RAPGEF1: variants seen among roughly 807,000 people sequenced by gnomAD.
The protein encoded by RAPGEF1 is Rap guanine nucleotide exchange factor 1.
Under a neutral mutation model 143.3 loss-of-function variants are expected in RAPGEF1, and 33 were observed. The observed-to-expected ratio is 0.23, with a 90% CI of 0.17 to 0.31. The LOEUF is 0.31. RAPGEF1 is among the 10% of genes least tolerant of loss of function. The pLI is 1.00. For missense variants in RAPGEF1, 1,199 were observed against 1,645.4 expected, an observed-to-expected ratio of 0.73 and a Z score of 4.69; for synonymous variants, 629 against 676.5, an observed-to-expected ratio of 0.93 and a Z score of 1.09.
chr9:131,716,338 G>A (rs922741626), intron 1 of RAPGEF1, among the ~76,000 whole-genome samples: 1 of 152,242 alleles, frequency 6.6e-6, no homozygotes, highest in African/African-American at 2.4e-5. Flanking sequence ...CCAGCCTTCT[G>A]AAGAAGCTGT....
At chr9:131,599,246 T>A (rs1284558360) in intron 15 of RAPGEF1, among the ~76,000 whole-genome samples, 1 of 151,870 alleles carries the variant, frequency 6.6e-6, no homozygotes, top group Non-Finnish European at 1.5e-5. Flanking sequence ...CACCTTAGTC[T>A]CCCAAGTAGC....
intron 1 of RAPGEF1, among the ~76,000 whole-genome samples, chr9:131,731,017 T>C (rs534391228): frequency 3.9e-5 from 6 of 152,220 alleles, no homozygotes; most frequent in Admixed American, 6.5e-5. Flanking sequence ...GAGAATAATA[T>C]CAGAATCAAT....
rs1276707018 is a variant in RAPGEF1, at chr9:131,590,649, C to T, written c.2775-671G>A. Among the ~76,000 whole-genome samples the T allele has an allele frequency of 2.0e-5, 3 of 152,254 alleles. No homozygotes were observed. The South Asian group carries it at 6.2e-4, about 31-fold the overall frequency. On this transcript the variant is annotated intron_variant, in intron 18 of 26. Transcript: ENST00000683357. ...CCATCGACTCCCCAGATCTCTCTGA[C>T]ACCCTCCTGCCTGCTCTCTAGTGAT... is the stretch of plus-strand genomic sequence containing the variant.
intron 22 of RAPGEF1, 27 bp downstream of exon 22, chr9:131,587,709 C>G: frequency 6.2e-7 from 1 of 1,604,602 alleles, no homozygotes. Context: ...TCCAGAGCAA[C>G]AGGGCTTGGC....
rs1394500697 is a variant in RAPGEF1 at position 131,650,739 on chromosome 9, A to G, written c.201+71T>C. On this transcript the variant is annotated intron_variant, in intron 2 of 26. Transcript: ENST00000683357. The surrounding 1 kb of genome is among the most constrained non-coding windows in gnomAD (Gnocchi z 4.7). Reference sequence around the variant, plus strand: ...TGAAAGCTCAATCCCCAGGGAGGGAACATACAAATCGCACAAACTCATATT... The same window carrying G: ...TGAAAGCTCAATCCCCAGGGAGGGAGCATACAAATCGCACAAACTCATATT... 6.4e-7 allele frequency: 1 copy of G among 1,567,526 alleles called. No individual in the cohort carries two copies. The highest frequency in any genetic ancestry group is 8.7e-7 in the Non-Finnish European group (1 of 1,153,136).
At chr9:131,682,001 G>T (rs1588992277) in intron 1 of RAPGEF1, among the ~76,000 whole-genome samples, 1 of 152,186 alleles carries the variant, frequency 6.6e-6, no homozygotes, top group Non-Finnish European at 1.5e-5. Context: ...CTATCAGAGG[G>T]AAAGCGCATT....
chr9:131,705,934 T>C lies in RAPGEF1; in HGVS notation c.61+33836A>G, dbSNP rs547699604. 1.6e-3 allele frequency among the ~76,000 whole-genome samples: 240 copies of C among 152,316 alleles called. 2 individuals carry two copies. Among genetic ancestry groups the C allele is most frequent in the African/African-American group, 5.7e-3 (235 of 41,570 alleles). ...ACACGTAAATGATCTAAATGGCAGA[T>C]AACAGTTTCCTTTAAATTTGCCTTT... On this transcript the variant is annotated intron_variant, in intron 1 of 26. Coordinates refer to ENST00000683357, the MANE Select transcript of RAPGEF1 (RefSeq NM_001377935.1).
At chr9:131,701,440 T>C (rs549224206) in intron 1 of RAPGEF1, among the ~76,000 whole-genome samples, 1 of 152,214 alleles carries the variant, frequency 6.6e-6, no homozygotes, top group Admixed American at 6.5e-5. Flanking sequence ...CAGGACACTT[T>C]AGTTACATGT....
chr9:131,598,414 A>C (rs1955666968), intron 15 of RAPGEF1, 104 bp from the exon 16 acceptor site: 5 of 882,562 alleles, frequency 5.7e-6, no homozygotes, highest in Admixed American at 2.0e-5. Context: ...CCGCTCCCGG[A>C]ACATGCCTGC....
chr9:131,704,477 G>A (rs962748348), intron 1 of RAPGEF1, among the ~76,000 whole-genome samples: 4 of 151,926 alleles, frequency 2.6e-5, no homozygotes, highest in Non-Finnish European at 5.9e-5. Flanking sequence ...TCTGTGGGCT[G>A]AAGCTTTTTA....
chr9:131,717,017 T>C (rs1446750022), intron 1 of RAPGEF1, among the ~76,000 whole-genome samples: 3 of 152,174 alleles, frequency 2.0e-5, no homozygotes, highest in African/African-American at 4.8e-5. Flanking sequence ...CAACATCCAG[T>C]GGACTCTCAA....
rs553297948 is a variant in RAPGEF1 at position 131,655,794 on chromosome 9, A to G, written c.62-4845T>C. ...AGTAGAGACGGGGTGTCACCGTGTT[A>G]GCCAGGATGGTCTCGATCTCCTGAC... is the stretch of plus-strand genomic sequence containing the variant. On this transcript the variant is annotated intron_variant, in intron 1 of 26. Transcript: ENST00000683357. The surrounding 1 kb of genome is among the most constrained non-coding windows in gnomAD (Gnocchi z 4.1). Among the ~76,000 whole-genome samples the G allele has an allele frequency of 1.7e-3, 255 of 152,240 alleles. 1 individual carries two copies. Among genetic ancestry groups the G allele is most frequent in the African/African-American group, 6.0e-3 (248 of 41,538 alleles).
At chr9:131,604,885 G>T (rs977272395) in intron 13 of RAPGEF1, 46 bp downstream of exon 13, 50 of 1,192,696 alleles carry the variant, frequency 4.2e-5, no homozygotes, top group Admixed American at 7.8e-5. Flanking sequence ...CATGTGCAGG[G>T]GTGTGTGTGT....
chr9:131,735,228 A>G (rs1837340582), intron 1 of RAPGEF1, among the ~76,000 whole-genome samples: 1 of 152,170 alleles, frequency 6.6e-6, no homozygotes, highest in South Asian at 2.1e-4. Context: ...GGAATGAGTG[A>G]CTGAAACTGA....
chr9:131,655,406 G>GCCCTCATATGTCAGCAGTCAT lies in RAPGEF1; in HGVS notation c.62-4478_62-4458dup, dbSNP rs1972181491. ...CAGGGTCAGGAGGCTCTCAACACCAGCCCTCATATGTCAGCAGTCATCCCT... is the reference window on the plus strand; with the variant it reads ...CAGGGTCAGGAGGCTCTCAACACCAGCCCTCATATGTCAGCAGTCATCCCTCATATGTCAGCAGTCATCCCT... On this transcript the variant is annotated intron_variant, in intron 1 of 26. Transcript: ENST00000683357. This position sits in a 1 kb window ranked among gnomAD's most constrained non-coding sequence, Gnocchi z 4.1. Among the ~76,000 whole-genome samples the GCCCTCATATGTCAGCAGTCAT allele has an allele frequency of 6.6e-6, 1 of 152,200 alleles. No individual in the cohort carries two copies. The highest frequency in any genetic ancestry group is 2.4e-5 in the African/African-American group (1 of 41,452).
Position 131,700,443 on chromosome 9 carries a change from C to T in RAPGEF1, c.61+39327G>A, listed in dbSNP as rs138994438. On this transcript the variant is annotated intron_variant, in intron 1 of 26. Coordinates refer to ENST00000683357, the MANE Select transcript of RAPGEF1 (RefSeq NM_001377935.1). ...TATATGATACCTGTCATCCAAAAGC[C>T]TACATATTATACTTGTTCATATGTA... Among the ~76,000 whole-genome samples, 235 of 152,298 alleles carry T rather than the reference C, an allele frequency of 1.5e-3. 1 individual carries two copies. The highest frequency in any genetic ancestry group is 5.3e-3 in the African/African-American group (222 of 41,556).
intron 6 of RAPGEF1, 121 bp from the exon 7 acceptor site, chr9:131,629,375 G>A (rs1053002834): frequency 1.6e-4 from 165 of 1,012,992 alleles, no homozygotes; most frequent in Admixed American, 3.0e-4. Context: ...GGGCTGAAGA[G>A]CAGGCTCCCT....
intron 10 of RAPGEF1, among the ~76,000 whole-genome samples, chr9:131,623,072 A>G (rs1280513618): frequency 6.6e-6 from 1 of 152,036 alleles, no homozygotes; most frequent in African/African-American, 2.4e-5. Flanking sequence ...CCAGCCCCAC[A>G]CTTCCTCTTT....
intron 16 of RAPGEF1, 105 bp downstream of exon 16, chr9:131,598,094 G>T: frequency 1.0e-6 from 1 of 977,774 alleles, no homozygotes; most frequent in Non-Finnish European, 1.5e-6. Flanking sequence ...TGGTCTCTAA[G>T]CCTCCTAGGG....
Sources: gnomAD v4.1 joint callset for allele counts (sites outside exome capture counted in the v4.1 genomes callset) on GRCh38, gnomAD v4.1.1 for gene constraint, Gnocchi (gnomAD v3.1) non-coding constraint, MANE v1.5 for transcripts, NCBI Gene and HGNC (gene_info 2026-07-23, HGNC 2026-07-21) for gene names.